Variants in TTC28 observed in about 807,000 individuals in gnomAD.
TTC28 encodes the protein tetratricopeptide repeat protein 28.
Under a neutral mutation model 198.0 loss-of-function variants are expected in TTC28, and 61 were observed. The observed-to-expected ratio is 0.31, with a 90% CI of 0.25 to 0.38. The LOEUF is 0.38. TTC28 is among the 10% of genes least tolerant of loss of function. The probability of loss-of-function intolerance (pLI) is 1.00; values close to 1 mark genes in which losing one functional copy is unlikely to be tolerated. For missense variants in TTC28, 2,678 were observed against 3,164.0 expected (o/e 0.85, Z 3.69); for synonymous variants, 1,171 against 1,297.8 (o/e 0.90, Z 2.10).
chr22:28,561,358 G>A (rs1281118320), intron 2 of TTC28, among the ~76,000 whole-genome samples: 1 of 151,862 alleles, frequency 6.6e-6, no homozygotes, highest in Non-Finnish European at 1.5e-5. Context: ...TTACAGGCGT[G>A]AGACACCACG....
chr22:28,597,959 C>T (rs1384853789), intron 2 of TTC28, among the ~76,000 whole-genome samples: 1 of 151,814 alleles, frequency 6.6e-6, no homozygotes, highest in Non-Finnish European at 1.5e-5. Context: ...ACCTCCTGAG[C>T]TCAAGCAATC....
At chr22:28,034,780 G>C (rs951999013) in intron 12 of TTC28, among the ~76,000 whole-genome samples, 1 of 152,222 alleles carries the variant, frequency 6.6e-6, no homozygotes, top group Non-Finnish European at 1.5e-5. Context: ...AGAGGGAGCA[G>C]TCCAGAGGCA....
Position 28,093,489 on chromosome 22 carries a change from C to A in TTC28, c.3932+591G>T, listed in dbSNP as rs538750364. Among the ~76,000 whole-genome samples, 10 of 152,348 alleles carry A rather than the reference C, an allele frequency of 6.6e-5. No homozygotes were observed. The South Asian group carries it at 2.1e-3, about 32-fold the overall frequency. On this transcript the variant is annotated intron_variant, in intron 12 of 22. Coordinates refer to ENST00000397906, the MANE Select transcript of TTC28 (RefSeq NM_001145418.2). Reference sequence around the variant, plus strand: ...CTCTTCCTTTGATTTCCCCTAGAAGCAGGGTGCTTGTGGAAATTATTTTTT... The same window carrying A: ...CTCTTCCTTTGATTTCCCCTAGAAGAAGGGTGCTTGTGGAAATTATTTTTT...
intron 1 of TTC28, among the ~76,000 whole-genome samples, chr22:28,677,037 C>G (rs1390678037): frequency 6.6e-6 from 1 of 151,006 alleles, no homozygotes; most frequent in Non-Finnish European, 1.5e-5. Context: ...CACCTGTATT[C>G]CCAGCTACTT....
chr22:28,254,833 C>T (rs1161517059), intron 5 of TTC28, among the ~76,000 whole-genome samples: 1 of 152,080 alleles, frequency 6.6e-6, no homozygotes, highest in African/African-American at 2.4e-5. Context: ...AACTGATATT[C>T]CCATATAAAG....
At chr22:28,540,513 C>T (rs953050834) in intron 2 of TTC28, among the ~76,000 whole-genome samples, 4 of 152,154 alleles carry the variant, frequency 2.6e-5, no homozygotes, top group Non-Finnish European at 5.9e-5. Flanking sequence ...ATTTTACCAT[C>T]TATTTGCATA....
At chr22:28,315,160 T>C (rs1034730461) in intron 2 of TTC28, among the ~76,000 whole-genome samples, 9 of 152,172 alleles carry the variant, frequency 5.9e-5, no homozygotes, top group African/African-American at 2.2e-4. Flanking sequence ...GAGTTCTCAC[T>C]ATAGGAATGC....
At chr22:28,663,356 G>C (rs1292870616) in intron 1 of TTC28, among the ~76,000 whole-genome samples, 1 of 151,482 alleles carries the variant, frequency 6.6e-6, no homozygotes, top group African/African-American at 2.4e-5. Context: ...CACAGAAGAC[G>C]GGTGATTTCT....
intron 2 of TTC28, among the ~76,000 whole-genome samples, chr22:28,463,817 A>G (rs2047982735): frequency 6.6e-6 from 1 of 152,124 alleles, no homozygotes; most frequent in Admixed American, 6.6e-5. Context: ...TGTAAATGAC[A>G]AGTTAATGGG....
At chr22:28,256,755 T>C (rs143066339) in intron 5 of TTC28, among the ~76,000 whole-genome samples, 248 of 152,216 alleles carry the variant, frequency 1.6e-3, no homozygotes, top group African/African-American at 5.5e-3. Flanking sequence ...AACAGACACA[T>C]AAGACTGGGC....
At chr22:28,293,333 T>G (rs1203462213) in intron 5 of TTC28, among the ~76,000 whole-genome samples, 1 of 152,138 alleles carries the variant, frequency 6.6e-6, no homozygotes, top group Non-Finnish European at 1.5e-5. Context: ...ATGGATGAAC[T>G]TGGAGAATAT....
At chr22:28,645,871 C>T (rs374326538) in intron 1 of TTC28, among the ~76,000 whole-genome samples, 6 of 152,172 alleles carry the variant, frequency 3.9e-5, no homozygotes, top group African/African-American at 1.2e-4. Flanking sequence ...AAGTGATTCT[C>T]GTGCCTCAGC....
intron 15 of TTC28, 108 bp from the exon 16 acceptor site, chr22:27,999,368 G>C (rs1238960664): frequency 7.1e-7 from 1 of 1,414,300 alleles, no homozygotes; most frequent in African/African-American, 1.4e-5. Flanking sequence ...GGTTGAGCTT[G>C]AATCCACCTG....
At chr22:28,035,691 C>T (rs185868786) in intron 12 of TTC28, among the ~76,000 whole-genome samples, 1 of 152,344 alleles carries the variant, frequency 6.6e-6, no homozygotes, top group East Asian at 1.9e-4. Context: ...AGACATGAGA[C>T]TTTGGGAACT....
intron 13 of TTC28, among the ~76,000 whole-genome samples, chr22:28,023,706 G>T (rs755193692): frequency 3.3e-5 from 5 of 152,182 alleles, no homozygotes; most frequent in Non-Finnish European, 7.4e-5. Flanking sequence ...CCCTGTCATG[G>T]GAGGAATTCA....
intron 21 of TTC28, among the ~76,000 whole-genome samples, chr22:27,988,990 A>G (rs2146512641): frequency 6.6e-6 from 1 of 152,344 alleles, no homozygotes; most frequent in East Asian, 1.9e-4. Flanking sequence ...CTGCATCTCC[A>G]GTGCCTGGAA....
In TTC28 at chr22:28,618,151, T is replaced by C. The variant is rs1042454532; in HGVS notation, c.381+11401A>G. Among the ~76,000 whole-genome samples the C allele has an allele frequency of 2.0e-5, 3 of 152,150 alleles. No homozygotes were observed. In the East Asian group the frequency reaches 5.8e-4, roughly 29 times the overall value. Reference sequence around the variant, plus strand: ...TTAGCCAGGCGTGGTGGTGGGTGCCTGTAATCCTAGATACTTGGGAAGCTG... The same window carrying C: ...TTAGCCAGGCGTGGTGGTGGGTGCCCGTAATCCTAGATACTTGGGAAGCTG... On this transcript the variant is annotated intron_variant, in intron 2 of 22. Transcript: ENST00000397906.
At chr22:28,338,183 G>C (rs1053921456) in intron 2 of TTC28, among the ~76,000 whole-genome samples, 3 of 152,144 alleles carry the variant, frequency 2.0e-5, no homozygotes, top group African/African-American at 7.2e-5. Context: ...CTCTCTTCTG[G>C]CTTGTAGAGT....
chr22:28,629,947 TGGAGGTGGGGCCTAATG>T (rs2051146046), intron 1 of TTC28, 117 bp from the exon 2 acceptor site: 2 of 913,034 alleles, frequency 2.2e-6, no homozygotes, highest in Admixed American at 2.8e-5. Flanking sequence ...TCCCCAGTAT[TGGAGGTGGGGCCTAATG>T]GGAGGTGTTT....
Sources: gnomAD v4.1 joint callset for allele counts (sites outside exome capture counted in the v4.1 genomes callset) on GRCh38, gnomAD v4.1.1 for gene constraint, MANE v1.5 for transcripts, NCBI Gene and HGNC (gene_info 2026-07-23, HGNC 2026-07-21) for gene names.